DOCK4: variants seen among roughly 807,000 people sequenced by gnomAD.
DOCK4 encodes the protein dedicator of cytokinesis protein 4.
DOCK4 carries 97 observed loss-of-function variants against 268.1 expected under a neutral mutation model. The ratio of observed to expected loss-of-function variants is 0.36; its 90% CI spans 0.31 to 0.43. DOCK4 has a LOEUF of 0.43. Ranked by LOEUF, DOCK4 falls within the 20% of genes least tolerant of loss-of-function variation. The probability of loss-of-function intolerance (pLI) is 1.00; values close to 1 mark genes in which losing one functional copy is unlikely to be tolerated. For missense variants in DOCK4, 2,145 were observed against 2,455.7 expected, an observed-to-expected ratio of 0.87 and a Z score of 2.67; for synonymous variants, 954 against 887.2, an observed-to-expected ratio of 1.08 and a Z score of -1.34.
intron 27 of DOCK4, among the ~76,000 whole-genome samples, chr7:111,813,098 A>T (rs1440892075): frequency 6.6e-6 from 1 of 152,162 alleles, no homozygotes; most frequent in Non-Finnish European, 1.5e-5. Flanking sequence ...AAGATTAGCC[A>T]CCCCTTGAGC....
At chr7:112,112,227 T>G (rs1327425321) in intron 1 of DOCK4, among the ~76,000 whole-genome samples, 1 of 152,140 alleles carries the variant, frequency 6.6e-6, no homozygotes, top group African/African-American at 2.4e-5. Flanking sequence ...TGAGTTCATA[T>G]GAGAACTGGT....
intron 3 of DOCK4, among the ~76,000 whole-genome samples, chr7:111,998,922 G>C (rs1800194065): frequency 6.6e-6 from 1 of 151,832 alleles, no homozygotes; most frequent in South Asian, 2.1e-4. Context: ...TATTTCTCTT[G>C]AAAATATACA....
At chr7:111,884,946 A>G (rs1807710846) in intron 16 of DOCK4, among the ~76,000 whole-genome samples, 1 of 152,260 alleles carries the variant, frequency 6.6e-6, no homozygotes, top group Admixed American at 6.5e-5. Flanking sequence ...TCCTAATACT[A>G]GAACCAGCCA....
At chr7:111,993,380 C>T (rs989467118) in intron 5 of DOCK4, among the ~76,000 whole-genome samples, 1 of 152,036 alleles carries the variant, frequency 6.6e-6, no homozygotes. Context: ...AATATTTCAC[C>T]ACCCCCAGAC....
chr7:111,873,627 C>A (rs1236176218), intron 17 of DOCK4, among the ~76,000 whole-genome samples: 1 of 152,046 alleles, frequency 6.6e-6, no homozygotes, highest in African/African-American at 2.4e-5. Flanking sequence ...AACAAAAACT[C>A]CAAACCCCCC....
intron 51 of DOCK4, 43 bp from the exon 52 acceptor site, chr7:111,732,330 A>G (rs770885174): frequency 3.1e-6 from 5 of 1,602,444 alleles, no homozygotes; most frequent in African/African-American, 2.7e-5. Context: ...AAGAAAAACC[A>G]GACGATTGAC....
chr7:111,858,759 C>T (rs1805223910), intron 23 of DOCK4, among the ~76,000 whole-genome samples: 1 of 151,912 alleles, frequency 6.6e-6, no homozygotes, highest in African/African-American at 2.4e-5. Flanking sequence ...CTTATGACTC[C>T]TTTCCTTCCG....
intron 39 of DOCK4, among the ~76,000 whole-genome samples, chr7:111,761,416 G>A (rs1302785364): frequency 6.6e-6 from 1 of 152,088 alleles, no homozygotes; most frequent in Non-Finnish European, 1.5e-5. Context: ...ATTCTGGTCT[G>A]AGTCCAAACC....
chr7:111,945,811 A>C lies in DOCK4; in HGVS notation c.702-13T>G. On this transcript the variant is annotated splice_polypyrimidine_tract_variant and intron_variant, in intron 8 of 52. Transcript: ENST00000428084. ...GAAAAATCTCTCACTACAAGAGAAAAAATGTTTAACAATTTGAAAATTATT... is the reference window on the plus strand; with the variant it reads ...GAAAAATCTCTCACTACAAGAGAAACAATGTTTAACAATTTGAAAATTATT... 1 of 1,562,006 alleles carries C rather than the reference A, an allele frequency of 6.4e-7. No homozygotes were observed. Among genetic ancestry groups the C allele is most frequent in the South Asian group, 1.2e-5 (1 of 84,718 alleles).
intron 25 of DOCK4, among the ~76,000 whole-genome samples, chr7:111,841,888 C>T (rs905370611): frequency 6.6e-6 from 1 of 152,170 alleles, no homozygotes; most frequent in African/African-American, 2.4e-5. Flanking sequence ...TGGTGCACAA[C>T]AACCTTGTAC....
intron 44 of DOCK4, among the ~76,000 whole-genome samples, chr7:111,744,827 C>G (rs1796159071): frequency 1.3e-5 from 2 of 152,104 alleles, no homozygotes; most frequent in Admixed American, 1.3e-4. Context: ...AGTAATTCTT[C>G]TCTCTCTTCT....
intron 3 of DOCK4, among the ~76,000 whole-genome samples, chr7:111,999,506 T>C (rs1800249865): frequency 6.6e-6 from 1 of 152,072 alleles, no homozygotes; most frequent in Admixed American, 6.5e-5. Context: ...TCAAATATGG[T>C]CTAAATGAAT....
chr7:111,797,013 G>A (rs1377169451), intron 30 of DOCK4, among the ~76,000 whole-genome samples: 4 of 152,260 alleles, frequency 2.6e-5, no homozygotes, highest in Middle Eastern at 6.8e-3. Context: ...ATACAGAAAC[G>A]AAGAAGACTA....
intron 8 of DOCK4, among the ~76,000 whole-genome samples, chr7:111,963,246 G>A (rs560184353): frequency 3.3e-4 from 50 of 151,616 alleles, no homozygotes; most frequent in African/African-American, 9.2e-4. Context: ...ACAGCTCCCA[G>A]CGTGAGCGAC....
intron 1 of DOCK4, among the ~76,000 whole-genome samples, chr7:112,049,852 C>T (rs925584165): frequency 3.3e-5 from 5 of 152,208 alleles, no homozygotes; most frequent in South Asian, 4.2e-4. Context: ...CATCTAATAA[C>T]GTCTCTATCA....
chr7:111,727,068 AAAAAC>A lies in DOCK4; in HGVS notation c.*1201_*1205del, dbSNP rs1305951342. On this transcript the variant is annotated 3_prime_UTR_variant, in exon 53 of 53. Transcript: ENST00000428084. Reference sequence around the variant, plus strand: ...AGTGTTATAAACAGTCAGTAAAAGAAAAAACAAAGATATAAAATACATTACTACAT... The same window carrying A: ...AGTGTTATAAACAGTCAGTAAAAGAAAAAGATATAAAATACATTACTACAT... The A allele has an allele frequency of 1.3e-5, 2 of 152,686 alleles. No homozygotes were observed. The highest frequency in any genetic ancestry group is 2.4e-5 in the African/African-American group (1 of 41,474). The allele number at this position is 152,686 out of a possible 1,614,324, so 9.5% of individuals were successfully genotyped here.
At chr7:112,190,581 T>C (rs1819866143) in intron 1 of DOCK4, among the ~76,000 whole-genome samples, 1 of 151,728 alleles carries the variant, frequency 6.6e-6, no homozygotes, top group South Asian at 2.1e-4. Flanking sequence ...GAGAAAGAAT[T>C]GCCCAGCACG....
intron 30 of DOCK4, among the ~76,000 whole-genome samples, chr7:111,801,154 C>T (rs1184275281): frequency 1.3e-5 from 2 of 152,216 alleles, no homozygotes; most frequent in African/African-American, 2.4e-5. Context: ...GTGTTCAGAA[C>T]ATCATGGCGA....
At chr7:111,742,259 T>G in intron 44 of DOCK4, 127 bp from the exon 45 acceptor site, 1 of 1,007,734 alleles carries the variant, frequency 9.9e-7, no homozygotes, top group African/African-American at 1.7e-5. Flanking sequence ...TCTGACAAGG[T>G]AGGAACAGCT....
Sources: gnomAD v4.1 joint callset for allele counts (sites outside exome capture counted in the v4.1 genomes callset) on GRCh38, gnomAD v4.1.1 for gene constraint, MANE v1.5 for transcripts, NCBI Gene and HGNC (gene_info 2026-07-23, HGNC 2026-07-21) for gene names.